The following DAB2IP variants were observed in gnomAD, a reference collection of about 807,000 sequenced individuals.
DAB2IP encodes disabled homolog 2-interacting protein.
DAB2IP carries 28 observed loss-of-function variants against 107.2 expected under a neutral mutation model. The observed-to-expected ratio is 0.26, with a 90% CI of 0.19 to 0.36. The LOEUF is 0.36. DAB2IP is among the 10% of genes least tolerant of loss of function. The probability of loss-of-function intolerance (pLI) is 1.00; values close to 1 mark genes in which losing one functional copy is unlikely to be tolerated. For synonymous variants in DAB2IP, 755 were observed against 706.4 expected (o/e 1.07, Z -1.09); for missense variants, 1,400 against 1,644.7 (o/e 0.85, Z 2.57).
Position 121,662,317 on chromosome 9 carries a change from A to T in DAB2IP, c.124+10418A>T, listed in dbSNP as rs1833244856. Among the ~76,000 whole-genome samples the T allele has an allele frequency of 6.6e-6, 1 of 152,222 alleles. No individual in the cohort carries two copies. Among genetic ancestry groups the T allele is most frequent in the African/African-American group, 2.4e-5 (1 of 41,450 alleles). ...ATTCAGGTCCAGAAGGAGTCAGGAC[A>T]GTGTGGTCTACTGGCCAAACCCAGC... On this transcript the variant is annotated intron_variant, in intron 1 of 15. Coordinates refer to ENST00000408936, the Ensembl canonical transcript of DAB2IP. The surrounding 1 kb of genome is among the most constrained non-coding windows in gnomAD (Gnocchi z 4.6).
intron 1 of DAB2IP, among the ~76,000 whole-genome samples, chr9:121,623,578 G>C (rs1039091206): frequency 2.6e-5 from 4 of 152,140 alleles, no homozygotes; most frequent in African/African-American, 9.7e-5. Flanking sequence ...ATGTTGCCCA[G>C]GCTGGTCTTG....
At chr9:121,758,727 C>T (rs553079045) in intron 4 of DAB2IP, among the ~76,000 whole-genome samples, 171 bp from the exon 5 acceptor site, 33 of 152,280 alleles carry the variant, frequency 2.2e-4, no homozygotes, top group Non-Finnish European at 2.8e-4. Flanking sequence ...AGTGTACCAC[C>T]TGCAAAACAT....
intron 3 of DAB2IP, among the ~76,000 whole-genome samples, chr9:121,714,294 T>C (rs1830481346): frequency 6.6e-6 from 1 of 152,242 alleles, no homozygotes; most frequent in South Asian, 2.1e-4. Flanking sequence ...GCTCTGTTGC[T>C]GCTAAATGAG....
intron 3 of DAB2IP, among the ~76,000 whole-genome samples, chr9:121,716,464 G>A (rs996449897): frequency 1.3e-5 from 2 of 152,232 alleles, no homozygotes; most frequent in Admixed American, 6.5e-5. Context: ...CCTTCCTGGC[G>A]AGAGGCTAAG....
chr9:121,648,717 C>T (rs1832630924), upstream of DAB2IP, among the ~76,000 whole-genome samples: 1 of 152,194 alleles, frequency 6.6e-6, no homozygotes, highest in Non-Finnish European at 1.5e-5. Flanking sequence ...CCCGCTAAAG[C>T]AGCACATGGG....
Position 121,625,671 on chromosome 9 carries a change from T to C in DAB2IP, c.41-53007T>C, listed in dbSNP as rs570528189. 4.0e-5 allele frequency among the ~76,000 whole-genome samples: 6 copies of C among 151,286 alleles called. No individual in the cohort carries two copies. In the South Asian group the frequency reaches 1.3e-3, roughly 32 times the overall value. On this transcript the variant is annotated intron_variant, in intron 1 of 16. Coordinates refer to the DAB2IP transcript ENST00000259371. ...GGATCAGGAGGGCTTTCTGCTTTTT[T>C]TTTTTTTTTCCCAATGATGCCAGTT...
chr9:121,733,393 A>G (rs1203916896), intron 3 of DAB2IP, among the ~76,000 whole-genome samples: 1 of 152,242 alleles, frequency 6.6e-6, no homozygotes, highest in African/African-American at 2.4e-5. Context: ...CTCTCTTGTC[A>G]TTCAAAGAAA....
chr9:121,649,928 G>C (rs1185460066), upstream of DAB2IP, among the ~76,000 whole-genome samples: 1 of 152,236 alleles, frequency 6.6e-6, no homozygotes, highest in Admixed American at 6.5e-5. Flanking sequence ...GCTGCATGTG[G>C]CCCAGGATGG....
intron 1 of DAB2IP, among the ~76,000 whole-genome samples, chr9:121,623,191 G>A (rs1266955440): frequency 1.3e-5 from 2 of 152,166 alleles, no homozygotes; most frequent in African/African-American, 2.4e-5. Flanking sequence ...GCTGTGACAC[G>A]GCATGGCCAG....
chr9:121,762,646 C>T (rs775145281), intron 6 of DAB2IP, among the ~76,000 whole-genome samples: 9 of 152,226 alleles, frequency 5.9e-5, no homozygotes, highest in Non-Finnish European at 8.8e-5. Context: ...TCCTGGGCAC[C>T]TTGCAGGCTC....
At position 121,675,096 on chromosome 9, in the gene DAB2IP, G is replaced by A. The variant is rs117416976; in HGVS notation, c.125-3582G>A. 5.6e-3 allele frequency among the ~76,000 whole-genome samples: 852 copies of A among 152,062 alleles called. 6 individuals are homozygous for A. The highest frequency in any genetic ancestry group is 8.5e-3 in the Non-Finnish European group (579 of 67,998). Reference sequence around the variant, plus strand: ...GCAGGGTGCCTGGCTCTGGGTGGGGGTGGGAAACAGACAACCCATCTTCCT... The same window carrying A: ...GCAGGGTGCCTGGCTCTGGGTGGGGATGGGAAACAGACAACCCATCTTCCT... On this transcript the variant is annotated intron_variant, in intron 1 of 15. Coordinates refer to ENST00000408936, the Ensembl canonical transcript of DAB2IP.
chr9:121,658,785 A>T (rs1833075460), intron 1 of DAB2IP, among the ~76,000 whole-genome samples: 1 of 152,094 alleles, frequency 6.6e-6, no homozygotes, highest in South Asian at 2.1e-4. Context: ...ACGCCCTTGG[A>T]AATGCGGCGG....
chr9:121,752,301 G>C lies in DAB2IP; in HGVS notation c.363-4712G>C, dbSNP rs1276955380. Among the ~76,000 whole-genome samples, 2 of 148,828 alleles carry C rather than the reference G, an allele frequency of 1.3e-5. 1 individual carries two copies. Among genetic ancestry groups the C allele is most frequent in the African/African-American group, 5.2e-5 (2 of 38,276 alleles). On this transcript the variant is annotated intron_variant, in intron 3 of 15. Coordinates refer to ENST00000408936, the Ensembl canonical transcript of DAB2IP. ...ACCACGTCACCAGGGTTTGCAGGCT[G>C]AGGGAGGGCTATCCCTATCCCCACT...
chr9:121,721,507 G>A (rs2118817852), intron 3 of DAB2IP, among the ~76,000 whole-genome samples: 1 of 152,352 alleles, frequency 6.6e-6, no homozygotes, highest in Middle Eastern at 3.4e-3. Flanking sequence ...CACTGTAGTG[G>A]CATCTGTGTC....
chr9:121,781,429 A>G, intron 14 of DAB2IP, 35 bp from the exon 15 acceptor site: 1 of 1,610,020 alleles, frequency 6.2e-7, no homozygotes, highest in Non-Finnish European at 8.5e-7. Context: ...TGCTGCCTCC[A>G]GGGCCAGTCT....
chr9:121,671,033 C>T (rs1833659429), intron 1 of DAB2IP, among the ~76,000 whole-genome samples: 1 of 152,176 alleles, frequency 6.6e-6, no homozygotes, highest in East Asian at 1.9e-4. Context: ...CACCTGTAGT[C>T]CCAGCTACTC....
exon 16 of DAB2IP, chr9:121,783,312 G>A: frequency 7.1e-7 from 1 of 1,411,876 alleles, no homozygotes; most frequent in Non-Finnish European, 9.2e-7. Context: ...AGGGCTCCCA[G>A]AAGCCAGAGA....
intron 1 of DAB2IP, among the ~76,000 whole-genome samples, chr9:121,579,249 C>T (rs1830136531): frequency 2.0e-5 from 3 of 152,152 alleles, no homozygotes; most frequent in Admixed American, 6.6e-5. Flanking sequence ...ACTGATCTAG[C>T]AGAGAATGAG....
chr9:121,738,634 T>A (rs1832103059), intron 3 of DAB2IP, among the ~76,000 whole-genome samples: 1 of 152,244 alleles, frequency 6.6e-6, no homozygotes, highest in African/African-American at 2.4e-5. Flanking sequence ...TGCCTCTGTC[T>A]GACCCCAGAA....
Sources: allele counts gnomAD v4.1 joint callset (sites outside exome capture counted in the v4.1 genomes callset), GRCh38; gene constraint gnomAD v4.1.1; non-coding constraint Gnocchi (gnomAD v3.1); transcripts MANE v1.5; gene names NCBI Gene and HGNC (gene_info 2026-07-23, HGNC 2026-07-21).